TPRG1: variants seen among roughly 807,000 people sequenced by gnomAD.
TPRG1 encodes the protein tumor protein p63-regulated gene 1 protein.
TPRG1 carries 29 observed loss-of-function variants against 29.3 expected under a neutral mutation model. The observed-to-expected ratio is 0.99, with a 90% CI of 0.74 to 1.35. TPRG1 has a LOEUF of 1.35. Among genes scored for constraint, TPRG1 ranks in the 40% most tolerant of loss-of-function variants. The pLI, the probability that TPRG1 is intolerant of heterozygous loss-of-function variation, is 0.00. For missense variants in TPRG1, 327 were observed against 335.0 expected (o/e 0.98, Z 0.19); for synonymous variants, 130 against 116.8 (o/e 1.11, Z -0.73).
chr3:189,005,205 C>T (rs1157874423), intron 3 of TPRG1, among the ~76,000 whole-genome samples: 1 of 152,126 alleles, frequency 6.6e-6, no homozygotes, highest in African/African-American at 2.4e-5. Context: ...TAGAAGTTTA[C>T]ATCTGTTCTT....
At chr3:189,192,138 A>G (rs929989587) in intron 1 of TPRG1, among the ~76,000 whole-genome samples, 2 of 152,198 alleles carry the variant, frequency 1.3e-5, no homozygotes, top group Admixed American at 6.5e-5. Context: ...AGAGCATAGA[A>G]AAATTGCATT....
At chr3:189,146,429 T>C (rs1473928094) in intron 3 of TPRG1, among the ~76,000 whole-genome samples, 1 of 152,332 alleles carries the variant, frequency 6.6e-6, no homozygotes, top group East Asian at 1.9e-4. Flanking sequence ...GTGTCAAGGT[T>C]AGACGTATGA....
At chr3:189,136,947 G>C (rs922482863) in intron 3 of TPRG1, among the ~76,000 whole-genome samples, 2 of 152,106 alleles carry the variant, frequency 1.3e-5, no homozygotes, top group Non-Finnish European at 2.9e-5. Context: ...TGCTAGGATA[G>C]GTGTATGGAG....
At chr3:189,259,462 CTTTTTTT>C (rs35016491) in intron 4 of TPRG1, among the ~76,000 whole-genome samples, 1 of 92,118 alleles carries the variant, frequency 1.1e-5, no homozygotes, top group South Asian at 3.5e-4. Flanking sequence ...CCAGGAATCC[CTTTTTTT>C]TTTTTTTTTT....
intron 4 of TPRG1, among the ~76,000 whole-genome samples, chr3:189,269,945 G>T (rs1310135962): frequency 6.6e-6 from 1 of 152,142 alleles, no homozygotes. Flanking sequence ...TGGAGCATTG[G>T]TTGAGTAGAT....
At chr3:189,040,943 C>T (rs886072379) in intron 4 of TPRG1, among the ~76,000 whole-genome samples, 1 of 152,170 alleles carries the variant, frequency 6.6e-6, no homozygotes, top group Non-Finnish European at 1.5e-5. Context: ...CAAGAGGCTC[C>T]TCAAGCCTGT....
rs2109041642 is a variant in TPRG1 at position 189,261,756 on chromosome 3, G to A, written c.479+22847G>A. Among the ~76,000 whole-genome samples, 3 of 152,308 alleles carry A rather than the reference G, an allele frequency of 2.0e-5. No individual in the cohort carries two copies. In the Middle Eastern group the frequency reaches 0.01, roughly 518 times the overall value. On this transcript the variant is annotated intron_variant, in intron 4 of 5. Transcript: ENST00000345063. ...AATTGCTACTGGGAGATATGGGAAGGTCTTAGGAAGAAGGTAGAATCTGAG... is the reference window on the plus strand; with the variant it reads ...AATTGCTACTGGGAGATATGGGAAGATCTTAGGAAGAAGGTAGAATCTGAG...
intron 3 of TPRG1, among the ~76,000 whole-genome samples, chr3:189,226,788 C>A (rs1338373137): frequency 9.1e-6 from 1 of 109,292 alleles, no homozygotes; most frequent in Non-Finnish European, 1.9e-5. Context: ...AAGCATCTAG[C>A]AAGGCTGACA....
chr3:189,249,284 T>A (rs955012943), intron 4 of TPRG1, among the ~76,000 whole-genome samples: 11 of 151,878 alleles, frequency 7.2e-5, no homozygotes, highest in Non-Finnish European at 1.3e-4. Context: ...TATTTTTTGT[T>A]GTAGAAATAT....
At chr3:189,049,864 T>TA (rs1715206811) in intron 4 of TPRG1, among the ~76,000 whole-genome samples, 1 of 152,090 alleles carries the variant, frequency 6.6e-6, no homozygotes, top group Non-Finnish European at 1.5e-5. Context: ...GATGGAAATT[T>TA]AAAAAATCTT....
chr3:189,207,484 G>A lies in TPRG1; in HGVS notation c.100G>A (p.Glu34Lys), dbSNP rs1339461095. Residue 34 changes from glutamate to lysine, a missense_variant, in exon 2 of 6, where the codon GAG (glutamate) becomes AAG (lysine). By Grantham distance (56) the Glu-to-Lys change is moderately conservative. Transcript: ENST00000345063. Reference protein sequence around the residue: ...SETDHLSMEEEDPMPRQISRQ... With the variant: ...SETDHLSMEEKDPMPRQISRQ... ...GACTGACCACCTATCGATGGAGGAA[G>A]AGGACCCGATGCCAAGACAGATTTC... is the stretch of plus-strand genomic sequence containing the variant. 1 of 1,613,960 alleles carries A rather than the reference G, an allele frequency of 6.2e-7. No homozygotes were observed. The highest frequency in any genetic ancestry group is 8.5e-7 in the Non-Finnish European group (1 of 1,179,990).
chr3:189,026,071 G>A (rs1414439320), intron 4 of TPRG1, among the ~76,000 whole-genome samples: 1 of 152,206 alleles, frequency 6.6e-6, no homozygotes, highest in African/African-American at 2.4e-5. Context: ...GAGTGTATTA[G>A]TTAGCTCGAG....
intron 3 of TPRG1, among the ~76,000 whole-genome samples, chr3:189,138,736 A>G (rs1300660377): frequency 6.6e-6 from 1 of 152,220 alleles, no homozygotes; most frequent in Non-Finnish European, 1.5e-5. Context: ...GGGAGAACAC[A>G]TTGTTAAGCA....
intron 4 of TPRG1, among the ~76,000 whole-genome samples, chr3:189,092,121 T>C (rs1236045418): frequency 1.3e-5 from 2 of 152,216 alleles, no homozygotes; most frequent in Non-Finnish European, 2.9e-5. Context: ...ATTTTTCAGT[T>C]CAGAGATATC....
At chr3:189,065,903 CCCAAG>C (rs1321919660) in intron 4 of TPRG1, among the ~76,000 whole-genome samples, 1 of 151,920 alleles carries the variant, frequency 6.6e-6, no homozygotes, top group Non-Finnish European at 1.5e-5. Flanking sequence ...TAATAAAAAT[CCCAAG>C]GAATCTAAAG....
intron 4 of TPRG1, among the ~76,000 whole-genome samples, chr3:189,268,360 G>A (rs184288089): frequency 4.6e-5 from 7 of 152,220 alleles, no homozygotes; most frequent in East Asian, 1.9e-4. Context: ...GTGGGGAGGC[G>A]TTCCCCAAAT....
intron 4 of TPRG1, among the ~76,000 whole-genome samples, chr3:189,294,383 AAT>A (rs141458670): frequency 0.078 from 11,803 of 152,196 alleles, 943 homozygotes; most frequent in African/African-American, 0.2. Context: ...TTGCCATATA[AAT>A]CATATATAAT....
chr3:189,219,759 ATTG>A (rs1736666424), intron 3 of TPRG1: 13 of 1,117,006 alleles, frequency 1.2e-5, no homozygotes, highest in Non-Finnish European at 1.4e-5. Flanking sequence ...GTGGTGGGCG[ATTG>A]TTGTTCTTAA....
chr3:189,150,206 G>A (rs1231629534), intron 4 of TPRG1, among the ~76,000 whole-genome samples: 4 of 152,054 alleles, frequency 2.6e-5, no homozygotes, highest in Non-Finnish European at 5.9e-5. Flanking sequence ...TTTTTGAGAC[G>A]GAGTCTCACT....
Sources: allele counts gnomAD v4.1 joint callset (sites outside exome capture counted in the v4.1 genomes callset), GRCh38; gene constraint gnomAD v4.1.1; transcripts MANE v1.5; gene names NCBI Gene and HGNC (gene_info 2026-07-23, HGNC 2026-07-21).